Variants in PHF20L1 observed in about 807,000 individuals in gnomAD.
The protein encoded by PHF20L1 is PHD finger protein 20-like protein 1.
A neutral mutation model predicts 125.5 loss-of-function variants in PHF20L1; 44 were observed. The ratio of observed to expected loss-of-function variants is 0.35; its 90% confidence interval spans 0.28 to 0.45. PHF20L1 has a LOEUF of 0.45. Among genes scored for constraint, PHF20L1 ranks in the 20% least tolerant of loss-of-function variants. The pLI, the probability that PHF20L1 is intolerant of heterozygous loss-of-function variation, is 1.00. For synonymous variants in PHF20L1, 380 were observed against 403.1 expected (o/e 0.94, Z 0.69); for missense variants, 1,012 against 1,217.2 (o/e 0.83, Z 2.51).
At chr8:132,824,234 C>T in intron 13 of PHF20L1, 174 bp downstream of exon 13, 1 of 428,124 alleles carries the variant, frequency 2.3e-6, no homozygotes. Context: ...AAACACATAT[C>T]TTGTTTTATA....
intron 2 of PHF20L1, among the ~76,000 whole-genome samples, chr8:132,788,327 A>G (rs1831287346): frequency 6.6e-6 from 1 of 152,156 alleles, no homozygotes; most frequent in African/African-American, 2.4e-5. Flanking sequence ...TATAAACAAG[A>G]AAGTGATTAT....
chr8:132,824,619 ATG>A, intron 13 of PHF20L1: 1 of 162,036 alleles, frequency 6.2e-6, no homozygotes, highest in South Asian at 1.6e-4. Context: ...CTAGTAGGAT[ATG>A]TGTGATGATT....
In PHF20L1 at chr8:132,844,223, C is replaced by T; in HGVS notation, c.2816C>T (p.Ser939Leu). The T allele has an allele frequency of 6.2e-7, 1 of 1,612,820 alleles. No individual in the cohort carries two copies. Among genetic ancestry groups the T allele is most frequent in the Non-Finnish European group, 8.5e-7 (1 of 1,179,088 alleles). ...DKKGTEDPGD[S>L]HLQWQLNLLT... Reference sequence around the variant, plus strand: ...AAGGGCACCGAAGACCCAGGAGACTCACATCTTCAGTGGCAGCTCAATCTC... The same window carrying T: ...AAGGGCACCGAAGACCCAGGAGACTTACATCTTCAGTGGCAGCTCAATCTC... The change falls in exon 20 of 21, where the codon TCA (serine) becomes TTA (leucine). Residue 939 changes from serine (S) to leucine (L), a missense_variant. By Grantham distance (145) the Ser-to-Leu change is moderately radical. Coordinates refer to ENST00000395386, the MANE Select transcript of PHF20L1 (RefSeq NM_016018.5).
chr8:132,813,429 T>C (rs1309541982), intron 9 of PHF20L1, among the ~76,000 whole-genome samples: 1 of 151,984 alleles, frequency 6.6e-6, no homozygotes, highest in Admixed American at 6.6e-5. Flanking sequence ...ATACCAAATA[T>C]GCACTTTTCT....
intron 2 of PHF20L1, among the ~76,000 whole-genome samples, chr8:132,783,100 TAAC>T (rs1181696330): frequency 2.0e-5 from 3 of 152,214 alleles, no homozygotes; most frequent in African/African-American, 7.2e-5. Context: ...AGAGATTAAA[TAAC>T]ATGCTGTGGT....
chr8:132,812,538 G>T, intron 9 of PHF20L1: 1 of 984,800 alleles, frequency 1.0e-6, no homozygotes, highest in South Asian at 4.7e-5. Context: ...TGCCAGTTTT[G>T]TAACAAAGAG....
intron 2 of PHF20L1, among the ~76,000 whole-genome samples, chr8:132,786,815 C>G (rs1015196392): frequency 6.6e-6 from 1 of 151,966 alleles, no homozygotes; most frequent in Non-Finnish European, 1.5e-5. Flanking sequence ...ACATGGTAGG[C>G]ACATAAACAT....
In PHF20L1 at chr8:132,799,119, T is replaced by C; in HGVS notation, c.454T>C (p.Trp152Arg). The C allele has an allele frequency of 6.2e-7, 1 of 1,610,362 alleles. No individual in the cohort carries two copies. The highest frequency in any genetic ancestry group is 8.5e-7 in the Non-Finnish European group (1 of 1,177,656). Residue 152 changes from tryptophan (W) to arginine (R), a missense_variant, in exon 6 of 21, where the codon TGG (tryptophan) becomes CGG (arginine). Coordinates refer to ENST00000395386, the MANE Select transcript of PHF20L1 (RefSeq NM_016018.5). ...GGTGAAATCCCAGCATCCACTAAGC[T>C]GGTGTTGTCCTATCGACCCAGCTGG... ...GQVKSQHPLS[W>R]CCPIDPAGSC...
intron 12 of PHF20L1, among the ~76,000 whole-genome samples, chr8:132,820,401 G>C (rs1192831359): frequency 6.6e-6 from 1 of 151,856 alleles, no homozygotes; most frequent in Non-Finnish European, 1.5e-5. Flanking sequence ...TTCTCTTTAG[G>C]TGGGAAGCAC....
rs1019970243 is a variant in PHF20L1 at position 132,814,172 on chromosome 8, G to T, written c.931-465G>T. Among the ~76,000 whole-genome samples the T allele has an allele frequency of 2.6e-5, 4 of 151,806 alleles. No homozygotes were observed. In the East Asian group the frequency reaches 7.7e-4, roughly 29 times the overall value. The stretch of plus-strand genomic sequence containing the variant: ...TCAGATCTTTCTTTAAAGGGAATCT[G>T]TCTACTTAGACCTTTACATTCAACT... On this transcript the variant is annotated intron_variant, in intron 9 of 20. Transcript: ENST00000395386.
chr8:132,811,979 T>A, intron 9 of PHF20L1: 3 of 980,404 alleles, frequency 3.1e-6, no homozygotes, highest in Non-Finnish European at 3.6e-6. Flanking sequence ...CAAATTTAAT[T>A]GATATTGTAT....
At chr8:132,842,069 G>A (rs1837993222) in intron 18 of PHF20L1, 1 of 155,226 alleles carries the variant, frequency 6.4e-6, no homozygotes, top group African/African-American at 2.4e-5. Context: ...AAAAAGTCTG[G>A]AAGATTATAC....
At chr8:132,812,413 C>T (rs1194542481) in intron 9 of PHF20L1, 1 of 984,738 alleles carries the variant, frequency 1.0e-6, no homozygotes, top group African/African-American at 1.7e-5. Context: ...GAGGGCAGTA[C>T]CCGTCTTAGA....
At chr8:132,786,916 T>C (rs1450093648) in intron 2 of PHF20L1, among the ~76,000 whole-genome samples, 1 of 152,150 alleles carries the variant, frequency 6.6e-6, no homozygotes. Context: ...CATCAGACTT[T>C]AATCAGTAGG....
chr8:132,841,051 T>G (rs920966814), intron 18 of PHF20L1, among the ~76,000 whole-genome samples: 7 of 151,786 alleles, frequency 4.6e-5, no homozygotes, highest in African/African-American at 1.7e-4. Flanking sequence ...GGTCTTTTTT[T>G]AAAACCTTAT....
At chr8:132,794,308 A>G in intron 2 of PHF20L1, 102 bp from the exon 3 acceptor site, 3 of 653,388 alleles carry the variant, frequency 4.6e-6, no homozygotes, top group Non-Finnish European at 7.8e-6. Context: ...TGTTTTCTTC[A>G]TGGTTTTAAT....
rs754259927 is a variant in PHF20L1 at position 132,816,945 on chromosome 8, G to T, written c.1241G>T (p.Arg414Ile). 1.2e-6 allele frequency: 2 copies of T among 1,612,210 alleles called. No individual in the cohort carries two copies. Among genetic ancestry groups the T allele is most frequent in the Non-Finnish European group, 1.7e-6 (2 of 1,178,760 alleles). Residue 414 changes from arginine to isoleucine, a missense_variant, in exon 11 of 21, where the codon AGA (arginine) becomes ATA (isoleucine). Arg to Ile is a moderately conservative substitution (Grantham distance 97). This residue lies in a region of PHF20L1 where 119 missense variants were observed against 160.2 expected (regional missense o/e 0.74). Transcript: ENST00000395386. ...TTCAAGCATAGTGAGCGGAGAAGAA[G>T]ATCTCAGCGTTTAGCCACCTTACCC... ...RPFKHSERRR[R>I]SQRLATLPMP...
intron 9 of PHF20L1, among the ~76,000 whole-genome samples, chr8:132,814,315 G>T (rs1044024372): frequency 2.6e-5 from 4 of 151,746 alleles, no homozygotes; most frequent in Non-Finnish European, 4.4e-5. Context: ...GGCAATTATG[G>T]TTCCTAAAGG....
At chr8:132,837,572 T>C in intron 16 of PHF20L1, 140 bp from the exon 17 acceptor site, 1 of 609,442 alleles carries the variant, frequency 1.6e-6, no homozygotes, top group Non-Finnish European at 3.0e-6. Flanking sequence ...TGGCTTGATT[T>C]TGTTGTGTCA....
Sources: gnomAD v4.1 joint callset for allele counts (sites outside exome capture counted in the v4.1 genomes callset) on GRCh38, gnomAD v4.1.1 for gene constraint, gnomAD v4.1.1 regional missense constraint, MANE v1.5 for transcripts, NCBI Gene and HGNC (gene_info 2026-07-23, HGNC 2026-07-21) for gene names.